The following AIFM1 variants were observed in gnomAD, a reference collection of about 807,000 sequenced individuals.
AIFM1 encodes apoptosis-inducing factor 1, mitochondrial.
A neutral mutation model predicts 51.7 loss-of-function variants in AIFM1; 3 were observed. That is an observed-to-expected ratio of 0.06 (90% CI 0.03 to 0.15). The LOEUF is 0.15. Among genes scored for constraint, AIFM1 ranks in the 10% least tolerant of loss-of-function variants. The pLI is 1.00. For missense variants in AIFM1, 330 were observed against 476.8 expected (o/e 0.69, Z 2.87); for synonymous variants, 178 against 179.4 (o/e 0.99, Z 0.06).
At chrX:130,135,044 T>C (rs2030266491) in intron 12 of AIFM1, among the ~76,000 whole-genome samples, 1 of 109,804 alleles carries the variant, frequency 9.1e-6, no homozygotes, top group Non-Finnish European at 1.9e-5. Context: ...TCCTCTCCTC[T>C]CTCCTTCTTG....
At chrX:130,153,481 C>G (rs1022237822) in intron 2 of AIFM1, among the ~76,000 whole-genome samples, 1 of 110,849 alleles carries the variant, frequency 9.0e-6, no homozygotes, top group South Asian at 3.8e-4. Flanking sequence ...AGGAACATTT[C>G]TTCAAATGAC....
At chrX:130,160,873 T>C (rs934463074) in intron 1 of AIFM1, among the ~76,000 whole-genome samples, 1 of 106,426 alleles carries the variant, frequency 9.4e-6, no homozygotes, top group Non-Finnish European at 1.9e-5. Context: ...TGAAACCCCG[T>C]CTCTACTTAA....
intron 1 of AIFM1, among the ~76,000 whole-genome samples, chrX:130,158,276 A>G (rs1201257226): frequency 1.8e-5 from 2 of 112,100 alleles, no homozygotes; most frequent in Non-Finnish European, 3.8e-5. Context: ...AAGAAAAAAA[A>G]AGAGAAAAAG....
intron 9 of AIFM1, among the ~76,000 whole-genome samples, chrX:130,138,215 C>T (rs2030433452): frequency 8.9e-6 from 1 of 111,803 alleles, no homozygotes; most frequent in South Asian, 3.7e-4. Context: ...CCTGTAATCC[C>T]AGCACTTTGG....
intron 12 of AIFM1, 35 bp from the exon 13 acceptor site, chrX:130,133,490 A>T (rs774422313): frequency 7.8e-5 from 22 of 280,518 alleles, no homozygotes; most frequent in Non-Finnish European, 9.7e-5. Flanking sequence ...AACACATGAT[A>T]AAAAAAAAAA....
chrX:130,135,625 T>C (rs2124651283), intron 12 of AIFM1, among the ~76,000 whole-genome samples: 1 of 110,531 alleles, frequency 9.0e-6, no homozygotes, highest in South Asian at 3.8e-4. Context: ...CAGCTAAAAA[T>C]AGTACTCAAG....
At chrX:130,143,002 C>A (rs746374076) in intron 6 of AIFM1, among the ~76,000 whole-genome samples, 1 of 111,844 alleles carries the variant, frequency 8.9e-6, no homozygotes, top group Non-Finnish European at 1.9e-5. Context: ...CATTCTTTTT[C>A]TTGAAACTCC....
intron 12 of AIFM1, 132 bp downstream of exon 12, chrX:130,135,913 C>A: frequency 1.1e-6 from 1 of 887,654 alleles, no homozygotes; most frequent in Non-Finnish European, 1.6e-6. Context: ...CATTTCTATT[C>A]TGTACCCTCA....
chrX:130,138,345 G>A (rs955996950), intron 9 of AIFM1, among the ~76,000 whole-genome samples: 2 of 110,340 alleles, frequency 1.8e-5, no homozygotes, highest in South Asian at 3.9e-4. Flanking sequence ...GGCGCCTGTA[G>A]TCCCAGCTAC....
intron 1 of AIFM1, 81 bp downstream of exon 1, chrX:130,165,470 G>T: frequency 1.2e-6 from 1 of 825,321 alleles, no homozygotes; most frequent in Non-Finnish European, 1.8e-6. Flanking sequence ...GCGGGGACGC[G>T]GGGGTAGAGG....
At chrX:130,131,532 G>T (rs2030079335) in intron 14 of AIFM1, 143 bp downstream of exon 14, 2 of 874,495 alleles carry the variant, frequency 2.3e-6, no homozygotes, top group South Asian at 2.1e-5. Flanking sequence ...GTGAGGACTT[G>T]GGGTTTGGTT....
chrX:130,153,689 T>C (rs1348909996), intron 2 of AIFM1, among the ~76,000 whole-genome samples: 1 of 109,804 alleles, frequency 9.1e-6, no homozygotes, highest in African/African-American at 3.3e-5. Flanking sequence ...GACACCGGAG[T>C]TCCCTTGCTC....
intron 11 of AIFM1, among the ~76,000 whole-genome samples, chrX:130,136,438 G>A (rs1434609114): frequency 8.9e-6 from 1 of 112,223 alleles, no homozygotes; most frequent in African/African-American, 3.2e-5. Context: ...GATAGAATGG[G>A]GCTAAGGGAA....
intron 2 of AIFM1, among the ~76,000 whole-genome samples, chrX:130,150,991 A>AAAAAAG (rs1341180916): frequency 9.6e-6 from 1 of 104,441 alleles, no homozygotes; most frequent in African/African-American, 3.5e-5. Context: ...AAAAAAAAAA[A>AAAAAAG]AAAAGAAAAG....
intron 9 of AIFM1, 86 bp from the exon 10 acceptor site, chrX:130,137,271 G>T: frequency 8.3e-7 from 1 of 1,203,601 alleles, no homozygotes; most frequent in Non-Finnish European, 1.1e-6. Flanking sequence ...GCAGCAGGCA[G>T]CCCTCACTAC....
chrX:130,146,392 T>C (rs1255188313), intron 5 of AIFM1, among the ~76,000 whole-genome samples: 10 of 109,753 alleles, frequency 9.1e-5, no homozygotes, highest in African/African-American at 3.3e-4. Flanking sequence ...TGCAGTGAGC[T>C]ATGATTCGGC....
chrX:130,164,992 G>T (rs946893557), intron 1 of AIFM1, among the ~76,000 whole-genome samples: 1 of 108,986 alleles, frequency 9.2e-6, no homozygotes, highest in African/African-American at 3.4e-5. Context: ...AGAAGTACAC[G>T]GCTCAGGCAT....
chrX:130,136,118 C>T lies in AIFM1; in HGVS notation c.1232G>A (p.Gly411Asp), dbSNP rs753549726. ...ACCAAAATCTGAGTCTATTTCCAGGCCACCAGTCTTGGCCAACTCAACATT... is the reference window on the plus strand; with the variant it reads ...ACCAAAATCTGAGTCTATTTCCAGGTCACCAGTCTTGGCCAACTCAACATT... ...EPNVELAKTG[G>D]LEIDSDFGGF... Residue 411 changes from glycine (G) to aspartate (D), a missense_variant, in exon 12 of 16, where the codon GGC becomes GAC. Gly to Asp is a moderately conservative substitution (Grantham distance 94, BLOSUM62 -1). Transcript: ENST00000287295. 10 of 1,210,118 alleles carry T rather than the reference C, an allele frequency of 8.3e-6. No homozygotes were observed. In the Admixed American group the frequency reaches 2.2e-4, roughly 26 times the overall value.
chrX:130,131,983 C>T lies in AIFM1; in HGVS notation c.1449-184G>A, dbSNP rs191510309. 7.2e-5 allele frequency among the ~76,000 whole-genome samples: 8 copies of T among 111,293 alleles called. No individual in the cohort carries two copies. The East Asian group carries it at 2.0e-3, about 27-fold the overall frequency. On this transcript the variant is annotated intron_variant, in intron 13 of 15. Coordinates refer to ENST00000287295, the MANE Select transcript of AIFM1 (RefSeq NM_004208.4). ...TCCCTCCTGGGTTCAAGTGATTCTCCAGCCTCAGCCTCCTGAGTAGCTGGG... is the reference window on the plus strand; with the variant it reads ...TCCCTCCTGGGTTCAAGTGATTCTCTAGCCTCAGCCTCCTGAGTAGCTGGG...
Sources: gnomAD v4.1 joint callset for allele counts (sites outside exome capture counted in the v4.1 genomes callset) on GRCh38, gnomAD v4.1.1 for gene constraint, MANE v1.5 for transcripts, NCBI Gene and HGNC (gene_info 2026-07-23, HGNC 2026-07-21) for gene names.